The following CBX2 variants were observed in gnomAD, a reference collection of about 807,000 sequenced individuals.
The protein encoded by CBX2 is chromobox 2, also known as chromobox protein homolog 2.
CBX2 carries 11 observed loss-of-function variants against 21.0 expected under a neutral mutation model. That is an observed-to-expected ratio of 0.52 (90% CI 0.33 to 0.87). CBX2 has a LOEUF of 0.87. CBX2 is among the 40% of genes least tolerant of loss of function. CBX2 has a pLI of 0.02. For synonymous variants in CBX2, 364 were observed against 304.6 expected (o/e 1.19, Z -2.03); for missense variants, 746 against 724.3 (o/e 1.03, Z -0.34).
intron 4 of CBX2, 47 bp from the exon 5 acceptor site, chr17:79,783,685 C>CA (rs1907401505): frequency 2.0e-6 from 3 of 1,500,296 alleles, no homozygotes; most frequent in Non-Finnish European, 2.7e-6. Flanking sequence ...GCTGGGATTA[C>CA]AGGCGTGAGC....
intron 4 of CBX2, chr17:79,782,542 G>C: frequency 2.8e-6 from 3 of 1,078,592 alleles, no homozygotes; most frequent in African/African-American, 1.6e-5. Flanking sequence ...GGACCTTCGC[G>C]TGTTGTGGCC....
chr17:79,779,145 G>A lies in CBX2; in HGVS notation c.117-217G>A, dbSNP rs782163299. On this transcript the variant is annotated intron_variant, in intron 2 of 4. Transcript: ENST00000310942. ...CTTGTTTTAATTGGGGGGTTGGAGC[G>A]GCAGTTTCCCTTTGGGTCTGAGGTT... 7.2e-5 allele frequency among the ~76,000 whole-genome samples: 11 copies of A among 152,194 alleles called. No individual in the cohort carries two copies. The South Asian group carries it at 1.2e-3, about 17-fold the overall frequency.
At chr17:79,779,160 G>T (rs782788515) in intron 2 of CBX2, among the ~76,000 whole-genome samples, 3 of 152,176 alleles carry the variant, frequency 2.0e-5, no homozygotes, top group Admixed American at 6.5e-5. Flanking sequence ...TTTCCCTTTG[G>T]GTCTGAGGTT....
intron 3 of CBX2, 70 bp downstream of exon 3, chr17:79,779,497 C>T (rs8064780): frequency 0.078 from 110,648 of 1,410,522 alleles, 5,885 homozygotes; most frequent in African/African-American, 0.24. Context: ...GTGCTGGGCG[C>T]TGCTCGCCTG....
intron 4 of CBX2, chr17:79,782,533 G>A (rs529023830): frequency 8.5e-5 from 94 of 1,110,596 alleles, no homozygotes; most frequent in Middle Eastern, 4.1e-4. Context: ...ACTGTCCCTG[G>A]ACCTTCGCGT....
chr17:79,778,321 G>T lies in CBX2; in HGVS notation c.72+14G>T, dbSNP rs1555829401. 3 of 1,562,882 alleles carry T rather than the reference G, an allele frequency of 1.9e-6. No homozygotes were observed. Among genetic ancestry groups the T allele is most frequent in the Middle Eastern group, 2.0e-4 (1 of 5,018 alleles). On this transcript the variant is annotated intron_variant, in intron 1 of 4. Coordinates refer to ENST00000310942, the MANE Select transcript of CBX2 (RefSeq NM_005189.3). The surrounding 1 kb of genome is among the most constrained non-coding windows in gnomAD (Gnocchi z 4.8). ...CGGCTCCGCAAGGTGCGTGCGGCCC[G>T]CCGGGCCCCCCGCCCGCCGCCCGCT...
chr17:79,782,637 G>A (rs1308779603), intron 4 of CBX2: 1 of 372,180 alleles, frequency 2.7e-6, no homozygotes, highest in Non-Finnish European at 3.9e-6. Context: ...CTTGTTGGCT[G>A]GTCTACACTG....
intron 3 of CBX2, 25 bp from the exon 4 acceptor site, chr17:79,781,671 C>T: frequency 6.3e-7 from 1 of 1,594,368 alleles, no homozygotes; most frequent in Middle Eastern, 1.7e-4. Flanking sequence ...GGCTTCTCCC[C>T]CATTAACTAG....
At position 79,785,130 on chromosome 17, in the gene CBX2, C is replaced by T; in HGVS notation, c.*88C>T. 8.3e-7 allele frequency: 1 copy of T among 1,206,356 alleles called. No homozygotes were observed. Among genetic ancestry groups the T allele is most frequent in the Non-Finnish European group, 1.2e-6 (1 of 829,616 alleles). The allele number at this position is 1,206,356 out of a possible 1,614,324, so 74.7% of individuals were successfully genotyped here. On this transcript the variant is annotated 3_prime_UTR_variant, in exon 5 of 5. Transcript: ENST00000310942. Reference sequence around the variant, plus strand: ...AAGTGACTCCCAGCCCAAGCCCCCTCAAGAGTCTGGGTCGGGGGAGGAGGA... The same window carrying T: ...AAGTGACTCCCAGCCCAAGCCCCCTTAAGAGTCTGGGTCGGGGGAGGAGGA...
intron 3 of CBX2, among the ~76,000 whole-genome samples, chr17:79,780,378 T>C (rs1907087695): frequency 6.6e-6 from 1 of 152,242 alleles, no homozygotes; most frequent in African/African-American, 2.4e-5. Context: ...TAGAGTTTTC[T>C]GGTGGGGCGA....
At position 79,783,979 on chromosome 17, in the gene CBX2, C is replaced by A. The variant is rs782476982; in HGVS notation, c.536C>A (p.Pro179His). 4.3e-6 allele frequency: 7 copies of A among 1,613,620 alleles called. No homozygotes were observed. The East Asian group carries it at 1.6e-4, about 36-fold the overall frequency. ...CCAGAGCAAAAGGCAACCCGAAGACCCGTGAGCCTGGCCAAGGTGCTGAAG... is the reference window on the plus strand; with the variant it reads ...CCAGAGCAAAAGGCAACCCGAAGACACGTGAGCCTGGCCAAGGTGCTGAAG... ...LPPEQKATRR[P>H]VSLAKVLKTA... is the part of the protein sequence containing the mutation. Residue 179 changes from proline (P) to histidine (H), a missense_variant, in exon 5 of 5, where the codon CCC (proline) becomes CAC (histidine). Pro to His is a moderately conservative substitution (Grantham distance 77). Coordinates refer to ENST00000310942, the MANE Select transcript of CBX2 (RefSeq NM_005189.3).
chr17:79,781,017 G>C (rs912108268), intron 3 of CBX2, among the ~76,000 whole-genome samples: 5 of 151,622 alleles, frequency 3.3e-5, no homozygotes, highest in Non-Finnish European at 7.4e-5. Flanking sequence ...TGGAGGTTCT[G>C]CTAGCACTTC....
Position 79,784,841 on chromosome 17 carries a change from C to A in CBX2, c.1398C>A (p.Ser466Arg). 6.2e-7 allele frequency: 1 copy of A among 1,612,570 alleles called. No individual in the cohort carries two copies. Among genetic ancestry groups the A allele is most frequent in the South Asian group, 1.1e-5 (1 of 90,988 alleles). The change falls in exon 5 of 5, where the codon AGC (serine) becomes AGA (arginine). Residue 466 changes from serine to arginine, a missense_variant. Physicochemically the swap from Ser to Arg is moderately radical, Grantham distance 110 (BLOSUM62 -1). Around this residue, in one of 2 missense-constraint regions of CBX2, gnomAD observed 701 missense variants for 650.7 expected, o/e 1.08. Coordinates refer to ENST00000310942, the MANE Select transcript of CBX2 (RefSeq NM_005189.3). This position sits in a 1 kb window ranked among gnomAD's most constrained non-coding sequence, Gnocchi z 5.9. ...TGAGCGCAGGTGAGGAGAGTAGCAG[C>A]TCGGACTCCGACCCCGACTCCGCCT... Reference protein sequence around the residue: ...PEMSAGEESSSSDSDPDSASP... With the variant: ...PEMSAGEESSRSDSDPDSASP...
At chr17:79,779,298 G>A (rs781804768) in intron 2 of CBX2, 64 bp from the exon 3 acceptor site, 43 of 1,528,212 alleles carry the variant, frequency 2.8e-5, no homozygotes, top group Non-Finnish European at 3.6e-5. Flanking sequence ...GCCCCCTCGG[G>A]CTGCCTTGCA....
In CBX2 at chr17:79,782,654, C is replaced by T. The variant is rs183004361; in HGVS notation, c.288+853C>T. The T allele has an allele frequency of 3.6e-4, 102 of 282,140 alleles. 1 individual carries two copies. The highest frequency in any genetic ancestry group is 1.8e-3 in the African/African-American group (80 of 44,124). 17.5% of individuals were successfully genotyped at this position (282,140 alleles called of 1,614,324 possible). A position where few individuals can be genotyped will look rare whatever the true frequency, so the allele number is the denominator to read the frequency against. Reference sequence around the variant, plus strand: ...TGTTGGCTGGTCTACACTGGCCTTACGTTATCTTGAAAATCTTCCTTTTGA... The same window carrying T: ...TGTTGGCTGGTCTACACTGGCCTTATGTTATCTTGAAAATCTTCCTTTTGA... On this transcript the variant is annotated intron_variant, in intron 4 of 4. Transcript: ENST00000310942.
Position 79,781,824 on chromosome 17 carries a change from C to G in CBX2, c.288+23C>G, listed in dbSNP as rs782083096. 110 of 1,613,870 alleles carry G rather than the reference C, an allele frequency of 6.8e-5. 1 individual carries two copies. In the East Asian group the frequency reaches 2.4e-3, roughly 36 times the overall value. On this transcript the variant is annotated intron_variant, in intron 4 of 4. Coordinates refer to ENST00000310942, the MANE Select transcript of CBX2 (RefSeq NM_005189.3). ...AAGGTGGGTGGCTGCGCTGGGTATG[C>G]TGACCCCACCTCCCAGCACCCCCTT...
chr17:79,780,276 GT>G (rs1184651974), intron 3 of CBX2, among the ~76,000 whole-genome samples: 2 of 152,246 alleles, frequency 1.3e-5, no homozygotes, highest in African/African-American at 4.8e-5. Context: ...AATCTGGACG[GT>G]TTGTTCTCTG....
At chr17:79,782,085 A>G (rs1555830473) in intron 4 of CBX2, 3 of 1,613,650 alleles carry the variant, frequency 1.9e-6, no homozygotes, top group Admixed American at 1.7e-5. Flanking sequence ...TGCTGCAGAC[A>G]AGCACTCTTC....
At chr17:79,781,125 T>C (rs1411624794) in intron 3 of CBX2, among the ~76,000 whole-genome samples, 2 of 152,142 alleles carry the variant, frequency 1.3e-5, no homozygotes, top group African/African-American at 4.8e-5. Flanking sequence ...GGCACCTCTG[T>C]CATCTCCCTC....
Sources: allele counts gnomAD v4.1 joint callset (sites outside exome capture counted in the v4.1 genomes callset), GRCh38; gene constraint gnomAD v4.1.1; regional missense constraint gnomAD v4.1.1; non-coding constraint Gnocchi (gnomAD v3.1); transcripts MANE v1.5; gene names NCBI Gene and HGNC (gene_info 2026-07-23, HGNC 2026-07-21).